Variants in WDR70 observed in about 807,000 individuals in gnomAD.
WDR70 encodes WD repeat domain 70.
Under a neutral mutation model 88.6 loss-of-function variants are expected in WDR70, and 53 were observed. The ratio of observed to expected loss-of-function variants is 0.60; its 90% confidence interval spans 0.48 to 0.75. WDR70 has a LOEUF of 0.75. Among genes scored for constraint, WDR70 ranks in the 30% least tolerant of loss-of-function variants. The pLI is 0.00. For synonymous variants in WDR70, 280 were observed against 270.0 expected (o/e 1.04, Z -0.36); for missense variants, 610 against 823.2 (o/e 0.74, Z 3.17).
chr5:37,627,838 C>T (rs1744709759), intron 10 of WDR70, among the ~76,000 whole-genome samples: 1 of 152,144 alleles, frequency 6.6e-6, no homozygotes, highest in Non-Finnish European at 1.5e-5. Flanking sequence ...TGTGCCCTAA[C>T]ATATGGTCAG....
chr5:37,454,083 A>AT (rs1029765808), intron 7 of WDR70, among the ~76,000 whole-genome samples: 40 of 151,848 alleles, frequency 2.6e-4, no homozygotes, highest in African/African-American at 9.2e-4. Flanking sequence ...AGTGTTTCAT[A>AT]TTTTTTTTTC....
At chr5:37,511,940 C>T (rs1383531994) in intron 8 of WDR70, among the ~76,000 whole-genome samples, 3 of 152,186 alleles carry the variant, frequency 2.0e-5, no homozygotes, top group African/African-American at 4.8e-5. Context: ...TGGTCTTAGA[C>T]TGAGAATATG....
intron 10 of WDR70, among the ~76,000 whole-genome samples, chr5:37,622,215 T>C (rs1017821331): frequency 1.2e-4 from 18 of 152,052 alleles, no homozygotes; most frequent in African/African-American, 4.1e-4. Flanking sequence ...CCAGTTAGAA[T>C]GGCCATCATT....
chr5:37,437,775 C>T (rs954657914), intron 5 of WDR70, 147 bp from the exon 6 acceptor site: 30 of 649,066 alleles, frequency 4.6e-5, no homozygotes, highest in Non-Finnish European at 5.8e-5. Flanking sequence ...AAAAGATACT[C>T]TCACACTTTT....
At chr5:37,480,295 C>T (rs1350246686) in intron 8 of WDR70, among the ~76,000 whole-genome samples, 1 of 152,162 alleles carries the variant, frequency 6.6e-6, no homozygotes, top group Non-Finnish European at 1.5e-5. Flanking sequence ...TGCTGGCTCT[C>T]TGTCTCTCTG....
At chr5:37,685,977 G>A (rs112594281) in intron 10 of WDR70, among the ~76,000 whole-genome samples, 4 of 152,254 alleles carry the variant, frequency 2.6e-5, no homozygotes, top group East Asian at 1.9e-4. Context: ...TGCTAGGAGC[G>A]TGCCAGTCAT....
At chr5:37,610,797 AG>A (rs1412113070) in intron 10 of WDR70, among the ~76,000 whole-genome samples, 1 of 152,204 alleles carries the variant, frequency 6.6e-6, no homozygotes, top group East Asian at 1.9e-4. Flanking sequence ...GGCTTCTGAA[AG>A]GTGCACAGTT....
chr5:37,750,990 A>G (rs909995129), intron 17 of WDR70, among the ~76,000 whole-genome samples: 1 of 152,216 alleles, frequency 6.6e-6, no homozygotes, highest in African/African-American at 2.4e-5. Flanking sequence ...ATTTCTTAGT[A>G]CTTAAATCTC....
At chr5:37,521,700 GTA>G (rs1491379634) in intron 9 of WDR70, among the ~76,000 whole-genome samples, 7 of 93,352 alleles carry the variant, frequency 7.5e-5, no homozygotes, top group Non-Finnish European at 1.1e-4. Context: ...AGTAGTCCAA[GTA>G]TACACACACA....
intron 8 of WDR70, among the ~76,000 whole-genome samples, chr5:37,512,225 A>G (rs1368999756): frequency 1.3e-5 from 2 of 151,956 alleles, no homozygotes; most frequent in Non-Finnish European, 2.9e-5. Flanking sequence ...TCTTTAAAAA[A>G]AATTTTTTTT....
chr5:37,623,420 TAAAGA>T (rs1293816795), intron 10 of WDR70, among the ~76,000 whole-genome samples: 1 of 152,170 alleles, frequency 6.6e-6, no homozygotes, highest in Non-Finnish European at 1.5e-5. Flanking sequence ...TTCAGAGTTT[TAAAGA>T]AAAGATACAG....
At chr5:37,468,013 C>T (rs368851800) in intron 7 of WDR70, among the ~76,000 whole-genome samples, 1 of 152,226 alleles carries the variant, frequency 6.6e-6, no homozygotes, top group South Asian at 2.1e-4. Flanking sequence ...CGCGCCTGGC[C>T]TAATTTTTTG....
At chr5:37,578,758 A>T (rs1156994793) in intron 9 of WDR70, among the ~76,000 whole-genome samples, 1 of 152,218 alleles carries the variant, frequency 6.6e-6, no homozygotes, top group Non-Finnish European at 1.5e-5. Flanking sequence ...TGTACAGTGT[A>T]AAATATAATG....
intron 7 of WDR70, among the ~76,000 whole-genome samples, chr5:37,468,688 A>T (rs545111153): frequency 3.2e-4 from 49 of 152,310 alleles, no homozygotes; most frequent in Non-Finnish European, 5.6e-4. Flanking sequence ...GGACACCAGA[A>T]CTTATTCCTG....
intron 7 of WDR70, among the ~76,000 whole-genome samples, chr5:37,444,336 C>CTTTT (rs70978817): frequency 0.092 from 8,607 of 94,014 alleles, 968 homozygotes; most frequent in South Asian, 0.14. Context: ...CAGCCTTTCT[C>CTTTT]TTTTTTTTTT....
chr5:37,427,248 G>C (rs1750155510), intron 5 of WDR70, among the ~76,000 whole-genome samples: 1 of 152,122 alleles, frequency 6.6e-6, no homozygotes, highest in Admixed American at 6.6e-5. Flanking sequence ...AATTAGCTGG[G>C]CGTGGTGGCG....
intron 8 of WDR70, chr5:37,506,867 C>T: frequency 2.5e-6 from 3 of 1,209,430 alleles, no homozygotes; most frequent in South Asian, 1.2e-5. Context: ...ATTGCGCTGC[C>T]CCCGGTGGGT....
intron 9 of WDR70, among the ~76,000 whole-genome samples, chr5:37,557,901 A>ATACTCTTTTGAATACTCTTCAAAATAG (rs1561900701): frequency 6.5e-5 from 2 of 30,806 alleles, no homozygotes; most frequent in Admixed American, 3.5e-4. Flanking sequence ...CTTCAGATTT[A>ATACTCTTTTGAATACTCTTCAAAATAG]TACTCTTTTG....
At chr5:37,540,034 A>G (rs1561894097) in intron 9 of WDR70, among the ~76,000 whole-genome samples, 1 of 152,192 alleles carries the variant, frequency 6.6e-6, no homozygotes, top group Non-Finnish European at 1.5e-5. Flanking sequence ...AGTAGTAACA[A>G]TTGACTGCTT....
Sources: allele counts gnomAD v4.1 joint callset (sites outside exome capture counted in the v4.1 genomes callset), GRCh38; gene constraint gnomAD v4.1.1; transcripts MANE v1.5; gene names NCBI Gene and HGNC (gene_info 2026-07-23, HGNC 2026-07-21).